Variants in UTP20 observed in about 807,000 individuals in gnomAD.
UTP20 encodes the protein UTP20 small subunit processome component, also known as small subunit processome component 20 homolog.
In UTP20, 164 loss-of-function variants were observed where a neutral mutation model predicts 329.5. That is an observed-to-expected ratio of 0.50 (90% CI 0.44 to 0.57). UTP20 has a LOEUF of 0.57. UTP20 is among the 20% of genes least tolerant of loss of function. The probability of loss-of-function intolerance (pLI) is 0.00; values close to 1 mark genes in which losing one functional copy is unlikely to be tolerated. For missense variants in UTP20, 3,055 were observed against 3,284.2 expected, an observed-to-expected ratio of 0.93 and a Z score of 1.71; for synonymous variants, 1,151 against 1,159.3, an observed-to-expected ratio of 0.99 and a Z score of 0.14.
intron 21 of UTP20, among the ~76,000 whole-genome samples, chr12:101,316,098 G>A (rs574161067): frequency 6.6e-6 from 1 of 152,272 alleles, no homozygotes; most frequent in East Asian, 1.9e-4. Context: ...GTATATTACA[G>A]GCTTTTTATT....
intron 12 of UTP20, among the ~76,000 whole-genome samples, chr12:101,296,684 G>T (rs1411567432): frequency 6.6e-6 from 1 of 150,816 alleles, no homozygotes; most frequent in Non-Finnish European, 1.5e-5. Flanking sequence ...GGAGGTAGAG[G>T]TTGCAGTGAG....
intron 38 of UTP20, 120 bp from the exon 39 acceptor site, chr12:101,351,935 G>T: frequency 8.5e-7 from 1 of 1,179,316 alleles, no homozygotes. Context: ...AGTATAGTTT[G>T]GACATTCTTT....
Position 101,366,601 on chromosome 12 carries a change from A to G in UTP20, c.6169A>G (p.Ser2057Gly), listed in dbSNP as rs1452153122. The G allele has an allele frequency of 6.2e-6, 10 of 1,614,170 alleles. No individual in the cohort carries two copies. The highest frequency in any genetic ancestry group is 1.7e-5 in the Admixed American group (1 of 60,020). Residue 2057 changes from serine to glycine, a missense_variant, in exon 47 of 62, where the codon AGC becomes GGC. Transcript: ENST00000261637. ...PAPDPRLPPQSCLLLPPTPVR... is the reference protein window; with the variant it reads ...PAPDPRLPPQGCLLLPPTPVR... ...ACCAGATCCACGTCTACCACCCCAG[A>G]GCTGCCTTCTGCTTCCCCCAACTCC...
chr12:101,284,346 G>A (rs1386828122), intron 2 of UTP20, among the ~76,000 whole-genome samples: 1 of 152,030 alleles, frequency 6.6e-6, no homozygotes, highest in African/African-American at 2.4e-5. Context: ...TGCAGTTTTT[G>A]GTTTTCTGTT....
rs748164486 is a variant in UTP20 at position 101,375,621 on chromosome 12, T to C, written c.7264-3T>C. 6.2e-7 allele frequency: 1 copy of C among 1,610,194 alleles called. No homozygotes were observed. Among genetic ancestry groups the C allele is most frequent in the Non-Finnish European group, 8.5e-7 (1 of 1,179,090 alleles). On this transcript the variant is annotated splice_region_variant and splice_polypyrimidine_tract_variant and intron_variant, in intron 55 of 61. Transcript: ENST00000261637. ...CATTGATTTACATCCGTCTTGTTTT[T>C]AGATCATGGAAGAAACTGAAGAAAA... is the stretch of plus-strand genomic sequence containing the variant.
At chr12:101,297,554 C>A (rs1196884931) in intron 12 of UTP20, among the ~76,000 whole-genome samples, 2 of 152,216 alleles carry the variant, frequency 1.3e-5, no homozygotes, top group Non-Finnish European at 2.9e-5. Context: ...GTATACCTTA[C>A]AAATTGCTTC....
At chr12:101,327,870 C>A (rs1318265704) in intron 26 of UTP20, among the ~76,000 whole-genome samples, 1 of 151,970 alleles carries the variant, frequency 6.6e-6, no homozygotes, top group East Asian at 1.9e-4. Context: ...TATGACAGAC[C>A]CATTTACTTA....
In UTP20 at chr12:101,292,647, G is replaced by A. The variant is rs959295825; in HGVS notation, c.1174-521G>A. Among the ~76,000 whole-genome samples, 5 of 152,194 alleles carry A rather than the reference G, an allele frequency of 3.3e-5. No homozygotes were observed. The South Asian group carries it at 1.0e-3, about 32-fold the overall frequency. On this transcript the variant is annotated intron_variant, in intron 10 of 61. Transcript: ENST00000261637. ...AGAAGCGGGGTTAAAAATACTAAGA[G>A]AGGGAACAGAAAAGACGTGTGTTCA...
intron 35 of UTP20, among the ~76,000 whole-genome samples, chr12:101,343,727 G>C (rs532230192): frequency 6.6e-6 from 1 of 152,182 alleles, no homozygotes; most frequent in Non-Finnish European, 1.5e-5. Context: ...GGCCAGGCTA[G>C]TCTCGAACTT....
intron 22 of UTP20, among the ~76,000 whole-genome samples, chr12:101,318,831 G>GAAAA (rs35483128): frequency 3.1e-5 from 3 of 97,682 alleles, no homozygotes; most frequent in African/African-American, 7.6e-5. Context: ...ACTCCATCTT[G>GAAAA]AAAAAAAAAA....
chr12:101,300,099 T>G (rs1200069124), intron 14 of UTP20, 38 bp downstream of exon 14: 2 of 1,575,054 alleles, frequency 1.3e-6, no homozygotes, highest in Admixed American at 1.7e-5. Flanking sequence ...TCTCTTCTTT[T>G]CTGGCACACT....
chr12:101,383,667 A>G lies in UTP20; in HGVS notation c.8054A>G (p.Gln2685Arg). 1 of 1,597,120 alleles carries G rather than the reference A, an allele frequency of 6.3e-7. No individual in the cohort carries two copies. Among genetic ancestry groups the G allele is most frequent in the Non-Finnish European group, 8.5e-7 (1 of 1,170,260 alleles). The change falls in exon 60 of 62, where the codon CAA becomes CGA. Residue 2685 changes from glutamine to arginine, a missense_variant and splice_region_variant. Physicochemically the swap from Gln to Arg is conservative, Grantham distance 43 (BLOSUM62 1). This residue lies in a region of UTP20 where 337 missense variants were observed against 345.5 expected (regional missense o/e 0.98). Coordinates refer to ENST00000261637, the MANE Select transcript of UTP20 (RefSeq NM_014503.3). ...FRELNSTYSE[Q>R]DPLLKNLSQE... is the part of the protein sequence containing the mutation. The stretch of plus-strand genomic sequence containing the variant: ...GAACTCAACAGCACCTATTCAGAGC[A>G]AGGTAACCCTGCCTCGTCTGTTCTC...
chr12:101,318,116 C>G (rs1176189193), intron 22 of UTP20, among the ~76,000 whole-genome samples: 1 of 152,128 alleles, frequency 6.6e-6, no homozygotes, highest in Non-Finnish European at 1.5e-5. Flanking sequence ...GCACTTTTCT[C>G]TGCCTTTTAA....
intron 60 of UTP20, among the ~76,000 whole-genome samples, chr12:101,384,438 G>C (rs1355778143): frequency 6.6e-6 from 1 of 152,162 alleles, no homozygotes; most frequent in Non-Finnish European, 1.5e-5. Context: ...CTACTTAGGA[G>C]GCTGAGGTGG....
intron 22 of UTP20, among the ~76,000 whole-genome samples, chr12:101,318,367 CCT>C (rs1873043502): frequency 6.6e-6 from 1 of 152,132 alleles, no homozygotes; most frequent in Admixed American, 6.5e-5. Context: ...GCGTATTTCC[CCT>C]GAGCCATTTA....
chr12:101,288,653 C>T (rs1872036214), intron 5 of UTP20, among the ~76,000 whole-genome samples: 2 of 152,172 alleles, frequency 1.3e-5, no homozygotes, highest in South Asian at 4.1e-4. Flanking sequence ...TGCTTTTATA[C>T]CAATAATATG....
intron 44 of UTP20, among the ~76,000 whole-genome samples, chr12:101,362,395 G>A (rs927281996): frequency 5.3e-5 from 8 of 152,214 alleles, no homozygotes; most frequent in Admixed American, 2.0e-4. Context: ...TAATACAGTC[G>A]GAAATTAATA....
chr12:101,352,984 CTTTTA>C, intron 39 of UTP20, 58 bp from the exon 40 acceptor site: 1 of 1,044,066 alleles, frequency 9.6e-7, no homozygotes, highest in Non-Finnish European at 1.4e-6. Context: ...ATTTCCTCTC[CTTTTA>C]TAATCCAGTG....
intron 27 of UTP20, among the ~76,000 whole-genome samples, chr12:101,332,056 G>T (rs1279715458): frequency 1.3e-5 from 2 of 151,962 alleles, no homozygotes; most frequent in Non-Finnish European, 1.5e-5. Flanking sequence ...AATATCTTTG[G>T]GCTGGGTGTG....
Sources: allele counts gnomAD v4.1 joint callset (sites outside exome capture counted in the v4.1 genomes callset), GRCh38; gene constraint gnomAD v4.1.1; regional missense constraint gnomAD v4.1.1; transcripts MANE v1.5; gene names NCBI Gene and HGNC (gene_info 2026-07-23, HGNC 2026-07-21).